The following TCF4 variants were observed in gnomAD, a reference collection of about 807,000 sequenced individuals.
TCF4 encodes the protein transcription factor 4, also known as SL3-3 enhancer factor 2.
In TCF4, 3 loss-of-function variants were observed where a neutral mutation model predicts 82.1. That is an observed-to-expected ratio of 0.04 (90% CI 0.02 to 0.09). TCF4 has a LOEUF of 0.09. TCF4 is among the 10% of genes least tolerant of loss of function. The pLI is 1.00. For missense variants in TCF4, 518 were observed against 852.7 expected (o/e 0.61, Z 4.89); for synonymous variants, 276 against 309.6 (o/e 0.89, Z 1.14).
chr18:55,512,280 AT>A (rs1237485717), intron 3 of TCF4, among the ~76,000 whole-genome samples: 1 of 152,190 alleles, frequency 6.6e-6, no homozygotes, highest in Non-Finnish European at 1.5e-5. Flanking sequence ...AAAATAAATT[AT>A]GGAAGATCCA....
intron 2 of TCF4, among the ~76,000 whole-genome samples, chr18:55,611,113 G>A (rs1179611882): frequency 6.6e-6 from 1 of 152,146 alleles, no homozygotes; most frequent in Non-Finnish European, 1.5e-5. Context: ...TTAATCCACA[G>A]AGTCAAAAGC....
chr18:55,484,839 C>A (rs1202677399), intron 3 of TCF4, among the ~76,000 whole-genome samples: 1 of 152,200 alleles, frequency 6.6e-6, no homozygotes, highest in African/African-American at 2.4e-5. Context: ...TTTTTCTCTT[C>A]TTCCTTCTTA....
intron 2 of TCF4, among the ~76,000 whole-genome samples, chr18:55,621,381 G>T (rs1036011884): frequency 2.4e-5 from 3 of 123,738 alleles, no homozygotes; most frequent in Non-Finnish European, 4.8e-5. Flanking sequence ...AACTTATGGG[G>T]TACTGCCTGG....
At chr18:55,274,289 C>T (rs932651835) in intron 10 of TCF4, among the ~76,000 whole-genome samples, 2 of 152,144 alleles carry the variant, frequency 1.3e-5, no homozygotes, top group East Asian at 3.9e-4. Flanking sequence ...CTGCTATTTA[C>T]TGGAAATGTG....
rs542771735 is a variant in TCF4 at position 55,633,253 on chromosome 18, G to T, written c.196-1865C>A. ...CTCTAAAGGATTGACCAAGCCTGCA[G>T]TATCAGCTTCTAAGGTGGCTCCCAC... On this transcript the variant is annotated intron_variant, in intron 1 of 20. Coordinates refer to the TCF4 transcript ENST00000398339. This position sits in a 1 kb window ranked among gnomAD's most constrained non-coding sequence, Gnocchi z 4.0. Among the ~76,000 whole-genome samples, 1 of 152,328 alleles carries T rather than the reference G, an allele frequency of 6.6e-6. No homozygotes were observed. The highest frequency in any genetic ancestry group is 6.5e-5 in the Admixed American group (1 of 15,306).
At chr18:55,367,218 G>A (rs938811424) in intron 6 of TCF4, among the ~76,000 whole-genome samples, 4 of 152,186 alleles carry the variant, frequency 2.6e-5, no homozygotes, top group Admixed American at 6.5e-5. Context: ...GCTCATGGGT[G>A]TGATTAATTA....
At chr18:55,566,291 A>G (rs1361688244) in intron 3 of TCF4, among the ~76,000 whole-genome samples, 1 of 152,106 alleles carries the variant, frequency 6.6e-6, no homozygotes, top group Non-Finnish European at 1.5e-5. Context: ...GGGCAGAGAG[A>G]CAACGGAGAT....
intron 5 of TCF4, among the ~76,000 whole-genome samples, chr18:55,408,513 GTTA>G: frequency 6.6e-6 from 1 of 152,246 alleles, no homozygotes; most frequent in Admixed American, 6.5e-5. Context: ...CATACATGAG[GTTA>G]TTATTTACAG....
chr18:55,602,322 C>T (rs1355123658), intron 2 of TCF4, among the ~76,000 whole-genome samples: 4 of 152,206 alleles, frequency 2.6e-5, no homozygotes, highest in Non-Finnish European at 4.4e-5. Context: ...CTGGTATCCA[C>T]GCCCTCAACT....
At chr18:55,388,902 T>A (rs917380453) in intron 6 of TCF4, among the ~76,000 whole-genome samples, 17 of 151,890 alleles carry the variant, frequency 1.1e-4, no homozygotes, top group Non-Finnish European at 1.6e-4. Flanking sequence ...GGCGGGTGGA[T>A]CACGAGGTCA....
chr18:55,295,894 A>G (rs571136015), intron 8 of TCF4, among the ~76,000 whole-genome samples: 6 of 152,124 alleles, frequency 3.9e-5, no homozygotes, highest in East Asian at 1.9e-4. Flanking sequence ...TGTCCTTTGT[A>G]TATCTACCTT....
At chr18:55,504,062 C>CA (rs1311848312) in intron 3 of TCF4, among the ~76,000 whole-genome samples, 4 of 152,044 alleles carry the variant, frequency 2.6e-5, no homozygotes, top group Admixed American at 2.6e-4. Flanking sequence ...GACTCTGTCT[C>CA]AAAAAACAAA....
At position 55,607,618 on chromosome 18, in the gene TCF4, C is replaced by T. The variant is rs573341445; in HGVS notation, c.287-20482G>A. Among the ~76,000 whole-genome samples the T allele has an allele frequency of 3.9e-5, 6 of 152,296 alleles. No homozygotes were observed. In the East Asian group the frequency reaches 1.2e-3, roughly 29 times the overall value. On this transcript the variant is annotated intron_variant, in intron 2 of 20. Transcript: ENST00000398339. ...TAGCCCTAGGTCTGTCAAAGAGCTT[C>T]ATATGCCACTGTTCACACGTTCCAT... is the stretch of plus-strand genomic sequence containing the variant.
chr18:55,403,611 G>A (rs1241966561), intron 5 of TCF4, 93 bp from the exon 6 acceptor site: 2 of 1,611,488 alleles, frequency 1.2e-6, no homozygotes, highest in Admixed American at 1.7e-5. Context: ...CTTCCCCGAT[G>A]TTTACATACG....
At chr18:55,368,525 C>CA (rs71167292) in intron 6 of TCF4, among the ~76,000 whole-genome samples, 3 of 152,088 alleles carry the variant, frequency 2.0e-5, no homozygotes, top group Non-Finnish European at 4.4e-5. Context: ...AACAAAAAAA[C>CA]AAAAAACACA....
intron 5 of TCF4, among the ~76,000 whole-genome samples, chr18:55,453,339 CCAG>C (rs1455527050): frequency 1.2e-4 from 18 of 152,350 alleles, no homozygotes; most frequent in African/African-American, 2.6e-4. Flanking sequence ...GGACCTACCA[CCAG>C]ATTTCTAGAA....
At chr18:55,582,013 C>A (rs1010303361) in intron 3 of TCF4, among the ~76,000 whole-genome samples, 1 of 152,062 alleles carries the variant, frequency 6.6e-6, no homozygotes, top group Non-Finnish European at 1.5e-5. Context: ...CCTGATCTAA[C>A]AAGTTCTTTA....
intron 3 of TCF4, among the ~76,000 whole-genome samples, chr18:55,494,715 A>G (rs1331540991): frequency 6.6e-6 from 1 of 152,184 alleles, no homozygotes; most frequent in African/African-American, 2.4e-5. Context: ...AACAACCCAG[A>G]GAATGCTAGA....
rs960000254 is a variant in TCF4 at position 55,422,420 on chromosome 18, T to A, written c.305-18902A>T. 8.2e-6 allele frequency: 8 copies of A among 979,262 alleles called. No individual in the cohort carries two copies. The South Asian group carries it at 1.4e-4, about 17-fold the overall frequency. The allele number at this position is 979,262 out of a possible 1,614,324, so 60.7% of individuals were successfully genotyped here. A position where few individuals can be genotyped will look rare whatever the true frequency, so the allele number is the denominator to read the frequency against. ...GGGAAAAGGTGGAGGGTTTGGGGGG[T>A]TTTTTTTAATATTAAAAAAAAAGTT... is the stretch of plus-strand genomic sequence containing the variant. On this transcript the variant is annotated intron_variant, in intron 5 of 19. Coordinates refer to ENST00000354452, the MANE Select transcript of TCF4 (RefSeq NM_001083962.2).
Sources: gnomAD v4.1 joint callset for allele counts (sites outside exome capture counted in the v4.1 genomes callset) on GRCh38, gnomAD v4.1.1 for gene constraint, Gnocchi (gnomAD v3.1) non-coding constraint, MANE v1.5 for transcripts, NCBI Gene and HGNC (gene_info 2026-07-23, HGNC 2026-07-21) for gene names.